RPH3A: variants seen among roughly 807,000 people sequenced by gnomAD.
RPH3A encodes rabphilin 3A, also known as rabphilin-3A.
A neutral mutation model predicts 102.2 loss-of-function variants in RPH3A; 48 were observed. The ratio of observed to expected loss-of-function variants is 0.47; its 90% confidence interval spans 0.37 to 0.60. RPH3A has a LOEUF of 0.60. Ranked by LOEUF, RPH3A falls within the 20% of genes least tolerant of loss-of-function variation. RPH3A has a pLI of 0.00. For synonymous variants in RPH3A, 310 were observed against 324.3 expected (o/e 0.96, Z 0.47); for missense variants, 781 against 910.1 (o/e 0.86, Z 1.83).
At chr12:112,753,377 T>A (rs1476800377) in intron 1 of RPH3A, among the ~76,000 whole-genome samples, 1 of 152,192 alleles carries the variant, frequency 6.6e-6, no homozygotes. Context: ...TCTTCTGGGC[T>A]ATGAGATACT....
intron 5 of RPH3A, among the ~76,000 whole-genome samples, chr12:112,861,402 T>C (rs1446913073): frequency 6.6e-6 from 1 of 152,178 alleles, no homozygotes; most frequent in Non-Finnish European, 1.5e-5. Flanking sequence ...TAACTGCATA[T>C]GTGCAGCTTG....
At chr12:112,837,123 A>G (rs1278741433) in intron 4 of RPH3A, among the ~76,000 whole-genome samples, 3 of 152,218 alleles carry the variant, frequency 2.0e-5, no homozygotes, top group African/African-American at 7.2e-5. Context: ...AGTTGCGTGC[A>G]CACATTCAGA....
intron 1 of RPH3A, among the ~76,000 whole-genome samples, chr12:112,634,621 T>G (rs924927980): frequency 6.6e-6 from 1 of 152,164 alleles, no homozygotes; most frequent in South Asian, 2.1e-4. Flanking sequence ...TTTTGGTGAT[T>G]TATGTGATAA....
At chr12:112,692,962 A>G (rs2040318278) in intron 1 of RPH3A, among the ~76,000 whole-genome samples, 1 of 152,216 alleles carries the variant, frequency 6.6e-6, no homozygotes, top group Non-Finnish European at 1.5e-5. Context: ...AGCAGAGAGC[A>G]CATAGGAAAA....
intron 1 of RPH3A, among the ~76,000 whole-genome samples, chr12:112,670,084 G>A (rs2040116804): frequency 6.6e-6 from 1 of 152,228 alleles, no homozygotes. Flanking sequence ...ATTAAAGAAT[G>A]TGTGTATTTA....
chr12:112,649,608 G>A (rs1416575111), intron 1 of RPH3A: 1 of 152,198 alleles, frequency 6.6e-6, no homozygotes, highest in East Asian at 1.9e-4. Flanking sequence ...TAGTAATTGG[G>A]TGCTCATATT....
chr12:112,793,780 G>T (rs565882622), intron 2 of RPH3A, among the ~76,000 whole-genome samples: 5 of 152,230 alleles, frequency 3.3e-5, no homozygotes, highest in African/African-American at 9.6e-5. Context: ...GATCAGAATG[G>T]CTAGGGTCCT....
chr12:112,887,599 T>G (rs964480608), intron 16 of RPH3A, among the ~76,000 whole-genome samples, 198 bp from the exon 17 acceptor site: 7 of 152,246 alleles, frequency 4.6e-5, no homozygotes, highest in African/African-American at 1.4e-4. Context: ...ACTAAATTTA[T>G]GTGCTTTACT....
chr12:112,677,866 C>G (rs2040192844), intron 1 of RPH3A, among the ~76,000 whole-genome samples: 1 of 152,096 alleles, frequency 6.6e-6, no homozygotes, highest in African/African-American at 2.4e-5. Flanking sequence ...TTGAGTTTTT[C>G]TTAATCCAGA....
intron 2 of RPH3A, among the ~76,000 whole-genome samples, chr12:112,793,989 C>A (rs187250445): frequency 1.1e-3 from 171 of 152,298 alleles, no homozygotes; most frequent in Non-Finnish European, 2.0e-3. Context: ...TACAGGCCAG[C>A]CCAGCTGGGA....
At chr12:112,710,100 G>A (rs185301243) in intron 1 of RPH3A, among the ~76,000 whole-genome samples, 9 of 151,956 alleles carry the variant, frequency 5.9e-5, no homozygotes, top group Middle Eastern at 3.4e-3. Context: ...TCAGCCTCCC[G>A]AGTAGCTGGG....
intron 1 of RPH3A, among the ~76,000 whole-genome samples, chr12:112,716,403 T>G (rs1009798205): frequency 6.6e-6 from 1 of 152,214 alleles, no homozygotes; most frequent in Non-Finnish European, 1.5e-5. Context: ...TCCATTTGTA[T>G]GAGTTAGAGT....
At chr12:112,641,639 C>T (rs2039891413) in intron 1 of RPH3A, among the ~76,000 whole-genome samples, 1 of 152,188 alleles carries the variant, frequency 6.6e-6, no homozygotes, top group South Asian at 2.1e-4. Context: ...TCCAAGTGAT[C>T]CGTCCACCTC....
At chr12:112,670,137 C>T (rs950391829) in intron 1 of RPH3A, among the ~76,000 whole-genome samples, 3 of 152,166 alleles carry the variant, frequency 2.0e-5, no homozygotes, top group African/African-American at 7.2e-5. Context: ...AGGCGATATC[C>T]ATTTACTCAT....
intron 1 of RPH3A, among the ~76,000 whole-genome samples, chr12:112,775,816 C>T (rs2040961866): frequency 6.6e-6 from 1 of 152,078 alleles, no homozygotes; most frequent in African/African-American, 2.4e-5. Context: ...CTATAGCTAA[C>T]ACATAAAATA....
At chr12:112,857,764 A>G (rs1407403784) in intron 5 of RPH3A, among the ~76,000 whole-genome samples, 4 of 152,198 alleles carry the variant, frequency 2.6e-5, no homozygotes, top group African/African-American at 9.6e-5. Flanking sequence ...CTGGCGTGCA[A>G]TGGCATTTTG....
chr12:112,702,426 T>C (rs1289577163), intron 1 of RPH3A, among the ~76,000 whole-genome samples: 1 of 152,198 alleles, frequency 6.6e-6, no homozygotes, highest in Non-Finnish European at 1.5e-5. Context: ...CAAAGCACTT[T>C]TGCCTGGATG....
chr12:112,869,157 A>G (rs750446611), intron 8 of RPH3A: 2 of 153,234 alleles, frequency 1.3e-5, no homozygotes, highest in African/African-American at 4.8e-5. Context: ...AAAAGCAACC[A>G]TAGTAAAAAT....
intron 19 of RPH3A, among the ~76,000 whole-genome samples, chr12:112,892,540 T>C (rs1481902670): frequency 1.3e-5 from 2 of 152,152 alleles, no homozygotes; most frequent in Admixed American, 1.3e-4. Flanking sequence ...TTCCCAGAAA[T>C]GGGGCTGCCT....
Sources: allele counts gnomAD v4.1 joint callset (sites outside exome capture counted in the v4.1 genomes callset), GRCh38; gene constraint gnomAD v4.1.1; transcripts MANE v1.5; gene names NCBI Gene and HGNC (gene_info 2026-07-23, HGNC 2026-07-21).